Variants in MYO1E observed in about 807,000 individuals in gnomAD.
The protein encoded by MYO1E is myosin IE, also known as unconventional myosin-Ie.
A neutral mutation model predicts 151.1 loss-of-function variants in MYO1E; 68 were observed. The observed-to-expected ratio is 0.45, with a 90% CI of 0.37 to 0.55. The LOEUF (loss-of-function observed/expected upper bound fraction) is 0.55, where lower values mean the gene tolerates loss of function less well. Ranked by LOEUF, MYO1E falls within the 20% of genes least tolerant of loss-of-function variation. The probability of loss-of-function intolerance (pLI) is 0.00; values close to 1 mark genes in which losing one functional copy is unlikely to be tolerated. For synonymous variants in MYO1E, 601 were observed against 501.7 expected (o/e 1.20, Z -2.64); for missense variants, 1,363 against 1,389.3 (o/e 0.98, Z 0.30).
chr15:59,258,392 G>A lies in MYO1E; in HGVS notation c.238-2014C>T, dbSNP rs1395713395. On this transcript the variant is annotated intron_variant, in intron 3 of 27. Transcript: ENST00000288235. ...AAATATATATCTAGAAAATGGAAGTGAGGTACAGAAACAGCCAGATTAGTT... is the reference window on the plus strand; with the variant it reads ...AAATATATATCTAGAAAATGGAAGTAAGGTACAGAAACAGCCAGATTAGTT... Among the ~76,000 whole-genome samples the A allele has an allele frequency of 3.9e-5, 6 of 152,184 alleles. No homozygotes were observed. In the East Asian group the frequency reaches 5.8e-4, roughly 15 times the overall value.
Position 59,251,778 on chromosome 15 carries a change from A to G in MYO1E, c.332+4506T>C, listed in dbSNP as rs79897410. On this transcript the variant is annotated intron_variant, in intron 4 of 27. Transcript: ENST00000288235. The stretch of plus-strand genomic sequence containing the variant: ...TTATAAAAACAAAATTACATTTAAA[A>G]ATGCAAAACAACTGAAATTGTAAAT... 6.7e-3 allele frequency among the ~76,000 whole-genome samples: 1,016 copies of G among 152,370 alleles called. 11 individuals are homozygous for G. The highest frequency in any genetic ancestry group is 0.023 in the African/African-American group (954 of 41,594).
At position 59,158,395 on chromosome 15, in the gene MYO1E, C is replaced by G. The variant is rs1422611348; in HGVS notation, c.2786-16G>C. 6.5e-7 allele frequency: 1 copy of G among 1,542,892 alleles called. No homozygotes were observed. The highest frequency in any genetic ancestry group is 2.2e-4 in the Middle Eastern group (1 of 4,628). ...CTGGTAGGACCTGAAATAAACAAGA[C>G]AAAGTTAAAACCAGTGCTACTGGTT... On this transcript the variant is annotated splice_polypyrimidine_tract_variant and intron_variant, in intron 24 of 27. Coordinates refer to ENST00000288235, the MANE Select transcript of MYO1E (RefSeq NM_004998.4).
At position 59,144,861 on chromosome 15, in the gene MYO1E, G is replaced by A. The variant is rs551323690; in HGVS notation, c.3081-6494C>T. Among the ~76,000 whole-genome samples the A allele has an allele frequency of 1.3e-3, 191 of 152,064 alleles. 1 individual carries two copies. Among genetic ancestry groups the A allele is most frequent in the Non-Finnish European group, 8.2e-4 (56 of 67,958 alleles). On this transcript the variant is annotated intron_variant, in intron 26 of 27. Coordinates refer to ENST00000288235, the MANE Select transcript of MYO1E (RefSeq NM_004998.4). Reference sequence around the variant, plus strand: ...AAAGAATGACTTTTTGTTTTGTTTTGAGACGGAGTTTCACTCTTGTTGCCC... The same window carrying A: ...AAAGAATGACTTTTTGTTTTGTTTTAAGACGGAGTTTCACTCTTGTTGCCC...
At chr15:59,151,470 C>G (rs1330846956) in intron 26 of MYO1E, among the ~76,000 whole-genome samples, 1 of 151,994 alleles carries the variant, frequency 6.6e-6, no homozygotes, top group East Asian at 1.9e-4. Context: ...AACTAAGGTG[C>G]TTTCATATTT....
At chr15:59,321,339 C>G (rs930439321) in intron 1 of MYO1E, among the ~76,000 whole-genome samples, 2 of 152,130 alleles carry the variant, frequency 1.3e-5, no homozygotes, top group Admixed American at 6.5e-5. Flanking sequence ...GGGTATACAT[C>G]GAAAAGAAAA....
In MYO1E at chr15:59,136,870, A is replaced by C. The variant is rs1246083056; in HGVS notation, c.*510T>G. 3 of 425,588 alleles carry C rather than the reference A, an allele frequency of 7.0e-6. No homozygotes were observed. The allele number at this position is 425,588 out of a possible 1,614,324, so 26.4% of individuals were successfully genotyped here. Reference sequence around the variant, plus strand: ...AGGCCAGCTTACCCTTGGCACGTACATGGGAAGTGCCTGCTCACGCTAAGC... The same window carrying C: ...AGGCCAGCTTACCCTTGGCACGTACCTGGGAAGTGCCTGCTCACGCTAAGC... On this transcript the variant is annotated 3_prime_UTR_variant, in exon 28 of 28. Coordinates refer to ENST00000288235, the MANE Select transcript of MYO1E (RefSeq NM_004998.4).
rs1451079725 is a variant in MYO1E, at chr15:59,316,067, GACAGAGCAAGT to G, written c.4-43629_4-43619del. Reference sequence around the variant, plus strand: ...CTGAGAAGGAGCCTGAGCAGCAGGAGACAGAGCAAGTAAGGAAAGGGCAGCTGTCAAACCAT... The same window carrying G: ...CTGAGAAGGAGCCTGAGCAGCAGGAGAAGGAAAGGGCAGCTGTCAAACCAT... On this transcript the variant is annotated intron_variant, in intron 1 of 27. Coordinates refer to ENST00000288235, the MANE Select transcript of MYO1E (RefSeq NM_004998.4). Among the ~76,000 whole-genome samples, 70 of 152,188 alleles carry G rather than the reference GACAGAGCAAGT, an allele frequency of 4.6e-4. 1 individual carries two copies. The highest frequency in any genetic ancestry group is 1.6e-4 in the Non-Finnish European group (11 of 68,042).
At chr15:59,359,984 G>A (rs2080876468) in intron 1 of MYO1E, 1 of 152,166 alleles carries the variant, frequency 6.6e-6, no homozygotes, top group Non-Finnish European at 1.5e-5. Context: ...ATAATATGGA[G>A]ATATTTATGG....
At chr15:59,353,447 T>C (rs192161829) in intron 1 of MYO1E, among the ~76,000 whole-genome samples, 1 of 151,060 alleles carries the variant, frequency 6.6e-6, no homozygotes, top group East Asian at 1.9e-4. Flanking sequence ...AGTCTTATAC[T>C]GGATTCTTTG....
Position 59,173,909 on chromosome 15 carries a change from T to G in MYO1E, c.2171A>C (p.Asp724Ala), listed in dbSNP as rs775852572. Residue 724 changes from aspartate to alanine, a missense_variant, in exon 21 of 28, where the codon GAC (aspartate) becomes GCC (alanine). By Grantham distance (126) the Asp-to-Ala change is moderately radical. Coordinates refer to ENST00000288235, the MANE Select transcript of MYO1E (RefSeq NM_004998.4). ...TCTCTCCTTCTTGTTCAATAAGAGGTCTGAGGCTACAATTCCCAAGAGGGT... is the reference window on the plus strand; with the variant it reads ...TCTCTCCTTCTTGTTCAATAAGAGGGCTGAGGCTACAATTCCCAAGAGGGT... ...KYVQMREEASDLLLNKKERRR... is the reference protein window; with the variant it reads ...KYVQMREEASALLLNKKERRR... 3 of 1,614,032 alleles carry G rather than the reference T, an allele frequency of 1.9e-6. No homozygotes were observed. Among genetic ancestry groups the G allele is most frequent in the Non-Finnish European group, 2.5e-6 (3 of 1,179,972 alleles).
chr15:59,291,590 C>A lies in MYO1E; in HGVS notation c.4-19141G>T, dbSNP rs188511630. 7.6e-3 allele frequency among the ~76,000 whole-genome samples: 1,123 copies of A among 147,452 alleles called. 19 individuals carry two copies. Among genetic ancestry groups the A allele is most frequent in the African/African-American group, 0.027 (1,067 of 39,884 alleles). ...GTGGCTCACACCTGTAATCCCAGCA[C>A]TTTGGGAGGTCAAGGCGTGCGGATC... is the stretch of plus-strand genomic sequence containing the variant. On this transcript the variant is annotated intron_variant, in intron 1 of 27. Transcript: ENST00000288235.
intron 25 of MYO1E, among the ~76,000 whole-genome samples, chr15:59,154,594 T>G (rs1421576763): frequency 1.3e-5 from 2 of 152,180 alleles, no homozygotes; most frequent in African/African-American, 4.8e-5. Context: ...GAACCCTACC[T>G]AAAGACCTCT....
chr15:59,370,070 C>T (rs1268467045), intron 1 of MYO1E, among the ~76,000 whole-genome samples: 2 of 152,094 alleles, frequency 1.3e-5, no homozygotes. Flanking sequence ...CTCAGCCTCC[C>T]AAAGTGCTGG....
At chr15:59,339,118 C>A (rs1567019098) in intron 1 of MYO1E, among the ~76,000 whole-genome samples, 1 of 152,152 alleles carries the variant, frequency 6.6e-6, no homozygotes, top group Non-Finnish European at 1.5e-5. Flanking sequence ...GGTGGCAGAG[C>A]AAGACTCTGT....
intron 1 of MYO1E, among the ~76,000 whole-genome samples, chr15:59,352,961 G>A (rs1271451199): frequency 2.6e-5 from 4 of 152,050 alleles, no homozygotes; most frequent in East Asian, 1.9e-4. Context: ...CGTTAAGATC[G>A]ACCACATGAT....
intron 1 of MYO1E, among the ~76,000 whole-genome samples, chr15:59,321,184 G>C (rs892310883): frequency 6.6e-6 from 1 of 152,214 alleles, no homozygotes; most frequent in Non-Finnish European, 1.5e-5. Flanking sequence ...AAAAACAACA[G>C]ATGGTGGTAA....
intron 7 of MYO1E, among the ~76,000 whole-genome samples, chr15:59,225,787 C>A (rs1440362169): frequency 6.6e-6 from 1 of 152,036 alleles, no homozygotes; most frequent in African/African-American, 2.4e-5. Context: ...GCTGGGACTA[C>A]AGGCGCCCAC....
At chr15:59,343,502 A>C (rs1346390521) in intron 1 of MYO1E, among the ~76,000 whole-genome samples, 1 of 151,930 alleles carries the variant, frequency 6.6e-6, no homozygotes, top group Non-Finnish European at 1.5e-5. Context: ...CTTTTAGTTA[A>C]ATCTGCTTGG....
chr15:59,333,366 G>A (rs1460327295), intron 1 of MYO1E, among the ~76,000 whole-genome samples: 3 of 151,992 alleles, frequency 2.0e-5, no homozygotes, highest in South Asian at 4.2e-4. Flanking sequence ...AGCAACCCCC[G>A]GAGTAGCTGG....
Sources: gnomAD v4.1 joint callset for allele counts (sites outside exome capture counted in the v4.1 genomes callset) on GRCh38, gnomAD v4.1.1 for gene constraint, MANE v1.5 for transcripts, NCBI Gene and HGNC (gene_info 2026-07-23, HGNC 2026-07-21) for gene names.